Variants in SNRPN observed in about 807,000 individuals in gnomAD.
SNRPN encodes small nuclear ribonucleoprotein-associated protein N.
SNRPN carries 7 observed loss-of-function variants against 25.2 expected under a neutral mutation model. That is an observed-to-expected ratio of 0.28 (90% CI 0.16 to 0.52). The LOEUF is 0.52. SNRPN is among the 20% of genes least tolerant of loss of function. SNRPN has a pLI of 0.96. For synonymous variants in SNRPN, 124 were observed against 110.6 expected, an observed-to-expected ratio of 1.12 and a Z score of -0.76; for missense variants, 196 against 322.5, an observed-to-expected ratio of 0.61 and a Z score of 3.00.
At chr15:24,933,725 G>C (rs148520445) in intron 3 of SNRPN, among the ~76,000 whole-genome samples, 10 of 152,376 alleles carry the variant, frequency 6.6e-5, no homozygotes, top group African/African-American at 2.4e-4. Flanking sequence ...AGAAACAGAA[G>C]AGGAGACAAG....
chr15:24,907,490 C>T (rs1026634775), intron 2 of SNRPN, among the ~76,000 whole-genome samples: 2 of 151,626 alleles, frequency 1.3e-5, no homozygotes, highest in East Asian at 2.0e-4. Flanking sequence ...CCCAGCTACT[C>T]GGGAGGCTGA....
intron 1 of SNRPN, among the ~76,000 whole-genome samples, chr15:24,958,097 A>G (rs569773033): frequency 2.0e-5 from 3 of 152,130 alleles, no homozygotes; most frequent in Non-Finnish European, 4.4e-5. Context: ...TGATTTCACT[A>G]TTCTATCTGA....
intron 1 of SNRPN, among the ~76,000 whole-genome samples, chr15:24,885,213 G>A (rs1039716645): frequency 8.5e-5 from 13 of 152,152 alleles, no homozygotes; most frequent in African/African-American, 1.7e-4. Flanking sequence ...TCCTTGCACC[G>A]GTAGCCTAGG....
rs1185615876 is a variant in SNRPN, at chr15:24,923,929, T to A, written c.-391+3805T>A. Among the ~76,000 whole-genome samples, 608 of 124,174 alleles carry A rather than the reference T, an allele frequency of 4.9e-3. 11 individuals carry two copies. Among genetic ancestry groups the A allele is most frequent in the Middle Eastern group, 0.032 (7 of 216 alleles). 81.5% of individuals were successfully genotyped at this position (124,174 alleles called of 152,430 possible). On this transcript the variant is annotated intron_variant, in intron 3 of 11. Transcript: ENST00000400097. ...TGTGTGTGTGTATATAAACATTTTT[T>A]TTTTTTTTTTTTTTTTTTTGAGATG...
chr15:24,835,422 T>A (rs2051078422), intron 2 of SNRPN, among the ~76,000 whole-genome samples: 1 of 152,118 alleles, frequency 6.6e-6, no homozygotes, highest in South Asian at 2.1e-4. Context: ...TCACAGCTTA[T>A]CATTTTAGAT....
intron 2 of SNRPN, among the ~76,000 whole-genome samples, chr15:24,845,520 C>A (rs1009224363): frequency 1.3e-4 from 20 of 151,798 alleles, no homozygotes; most frequent in Admixed American, 1.3e-3. Flanking sequence ...ATCCCTTGAA[C>A]CTGGCAGACG....
At chr15:24,824,584 C>G (rs1233915526) in intron 1 of SNRPN, among the ~76,000 whole-genome samples, 1 of 152,092 alleles carries the variant, frequency 6.6e-6, no homozygotes, top group Non-Finnish European at 1.5e-5. Context: ...ATAGTATCAT[C>G]TTGTAGAAAG....
intron 1 of SNRPN, among the ~76,000 whole-genome samples, chr15:24,828,269 G>T (rs765736360): frequency 6.6e-6 from 1 of 152,098 alleles, no homozygotes. Flanking sequence ...AAAACAGGCT[G>T]CATCATTGTC....
chr15:24,968,860 G>T (rs897491588), intron 3 of SNRPN: 1 of 151,870 alleles, frequency 6.6e-6, no homozygotes. Context: ...TTCTTTTTAT[G>T]TTGCTTTCAT....
chr15:24,951,539 A>C (rs1438054729), upstream of SNRPN, among the ~76,000 whole-genome samples: 1 of 146,252 alleles, frequency 6.8e-6, no homozygotes, highest in African/African-American at 2.6e-5. Context: ...AGACAGTCTC[A>C]CTCTATTACC....
chr15:24,971,220 G>A (rs2076359374), intron 3 of SNRPN, among the ~76,000 whole-genome samples: 1 of 152,158 alleles, frequency 6.6e-6, no homozygotes, highest in African/African-American at 2.4e-5. Context: ...ATTTGCTTAT[G>A]TGCCCTTTGA....
At chr15:24,863,431 G>A (rs1040249190) in intron 1 of SNRPN, among the ~76,000 whole-genome samples, 5 of 149,902 alleles carry the variant, frequency 3.3e-5, no homozygotes, top group Non-Finnish European at 7.4e-5. Context: ...AGCCTTGTAG[G>A]CCACTGTCTC....
intron 3 of SNRPN, among the ~76,000 whole-genome samples, chr15:24,928,154 T>G (rs886471821): frequency 6.6e-6 from 1 of 152,154 alleles, no homozygotes; most frequent in African/African-American, 2.4e-5. Flanking sequence ...GTATAGTCAT[T>G]ATGGAAAACA....
intron 1 of SNRPN, among the ~76,000 whole-genome samples, chr15:24,864,339 CTTTTTTTTTTTT>C (rs58622804): frequency 8.5e-5 from 10 of 117,276 alleles, no homozygotes; most frequent in Non-Finnish European, 1.2e-4. Context: ...CTCTTCTTTT[CTTTTTTTTTTTT>C]TTTTTTTTTT....
intron 2 of SNRPN, among the ~76,000 whole-genome samples, chr15:24,831,496 C>A (rs530020171): frequency 6.6e-6 from 1 of 152,042 alleles, no homozygotes; most frequent in South Asian, 2.1e-4. Flanking sequence ...GAACACTTTA[C>A]ATCCACTCTT....
At chr15:24,877,354 A>T (rs959846693) in intron 1 of SNRPN, among the ~76,000 whole-genome samples, 1 of 152,224 alleles carries the variant, frequency 6.6e-6, no homozygotes, top group African/African-American at 2.4e-5. Context: ...TTAGGGAATG[A>T]AGAACCATGT....
chr15:24,848,807 C>G (rs2052508161), intron 2 of SNRPN: 1 of 152,050 alleles, frequency 6.6e-6, no homozygotes, highest in Non-Finnish European at 1.5e-5. Flanking sequence ...ATCAAACTTT[C>G]CCCACAGTCT....
chr15:24,976,538 G>A (rs1365512590), intron 6 of SNRPN, 122 bp downstream of exon 6: 4 of 752,048 alleles, frequency 5.3e-6, no homozygotes, highest in South Asian at 3.3e-5. Flanking sequence ...AATGTGCCAG[G>A]CACTTAATAT....
intron 3 of SNRPN, among the ~76,000 whole-genome samples, chr15:24,968,999 C>T (rs956750042): frequency 5.3e-5 from 8 of 151,692 alleles, no homozygotes; most frequent in African/African-American, 1.9e-4. Context: ...TTACTTTTTA[C>T]AAAGTAAGAG....
Sources: allele counts gnomAD v4.1 joint callset (sites outside exome capture counted in the v4.1 genomes callset), GRCh38; gene constraint gnomAD v4.1.1; transcripts MANE v1.5; gene names NCBI Gene and HGNC (gene_info 2026-07-23, HGNC 2026-07-21).